The following PDE4D variants were observed in gnomAD, a reference collection of about 807,000 sequenced individuals.
The protein encoded by PDE4D is 3',5'-cyclic-AMP phosphodiesterase 4D.
In PDE4D, 24 loss-of-function variants were observed where a neutral mutation model predicts 87.4. The observed-to-expected ratio is 0.27, with a 90% CI of 0.20 to 0.39. The LOEUF (loss-of-function observed/expected upper bound fraction) is 0.39, where lower values mean the gene tolerates loss of function less well. PDE4D is among the 10% of genes least tolerant of loss of function. The pLI is 1.00. For missense variants in PDE4D, 714 were observed against 1,041.0 expected (o/e 0.69, Z 4.32); for synonymous variants, 384 against 383.2 (o/e 1.00, Z -0.02).
chr5:60,214,255 G>C (rs1481015777), intron 1 of PDE4D, among the ~76,000 whole-genome samples: 1 of 152,098 alleles, frequency 6.6e-6, no homozygotes, highest in Admixed American at 6.5e-5. Flanking sequence ...AAACGTCAAC[G>C]GTGTCCTGAA....
intron 1 of PDE4D, among the ~76,000 whole-genome samples, chr5:59,475,571 G>A (rs2153653914): frequency 6.6e-6 from 1 of 152,174 alleles, no homozygotes; most frequent in Admixed American, 6.6e-5. Context: ...ATTAATCAGA[G>A]TTAACTTTAA....
intron 1 of PDE4D, among the ~76,000 whole-genome samples, chr5:59,602,851 T>A (rs1827703422): frequency 6.6e-6 from 1 of 151,934 alleles, no homozygotes; most frequent in South Asian, 2.1e-4. Flanking sequence ...TATAGACCAA[T>A]GAAACATAAT....
intron 1 of PDE4D, among the ~76,000 whole-genome samples, chr5:60,265,676 CTT>C (rs1750129035): frequency 6.6e-6 from 1 of 152,088 alleles, no homozygotes; most frequent in East Asian, 1.9e-4. Context: ...AGAAAAAACC[CTT>C]TTTCTGTTCC....
At chr5:60,257,845 T>A (rs1231909377) in intron 1 of PDE4D, among the ~76,000 whole-genome samples, 1 of 151,994 alleles carries the variant, frequency 6.6e-6, no homozygotes, top group Non-Finnish European at 1.5e-5. Flanking sequence ...AGGTTGATTC[T>A]CATTATTCTT....
intron 1 of PDE4D, among the ~76,000 whole-genome samples, chr5:60,457,540 A>G (rs1746569101): frequency 6.6e-6 from 1 of 152,140 alleles, no homozygotes; most frequent in Admixed American, 6.5e-5. Flanking sequence ...ATAATATATC[A>G]GGGCCCTCAA....
chr5:60,461,574 A>T (rs997989585), intron 1 of PDE4D, among the ~76,000 whole-genome samples: 1 of 152,262 alleles, frequency 6.6e-6, no homozygotes, highest in African/African-American at 2.4e-5. Context: ...TAATCACATC[A>T]GAGGAAAGCC....
At chr5:60,399,740 C>A (rs1214189703) in intron 1 of PDE4D, among the ~76,000 whole-genome samples, 3 of 152,286 alleles carry the variant, frequency 2.0e-5, no homozygotes, top group Non-Finnish European at 4.4e-5. Flanking sequence ...CGGCCCCATG[C>A]CCAGTGTTCA....
intron 1 of PDE4D, among the ~76,000 whole-genome samples, chr5:59,515,867 A>T (rs1001533973): frequency 5.9e-5 from 9 of 152,214 alleles, no homozygotes; most frequent in African/African-American, 2.2e-4. Flanking sequence ...AGGTAACACT[A>T]CCAGTCAGTG....
chr5:60,398,125 A>T (rs983508700), intron 1 of PDE4D, among the ~76,000 whole-genome samples: 2 of 152,046 alleles, frequency 1.3e-5, no homozygotes, highest in Non-Finnish European at 2.9e-5. Flanking sequence ...TGAATGCAAT[A>T]AAAAAAATTG....
At chr5:59,762,876 TATATATATATATATA>T (rs1254186157) in intron 1 of PDE4D, among the ~76,000 whole-genome samples, 1 of 132,058 alleles carries the variant, frequency 7.6e-6, no homozygotes, top group Admixed American at 7.6e-5. Flanking sequence ...TATATATATA[TATATATATATATATA>T]TAGCTTGCTC....
intron 5 of PDE4D, among the ~76,000 whole-genome samples, chr5:59,043,760 G>A (rs1200090536): frequency 2.0e-5 from 3 of 148,446 alleles, no homozygotes; most frequent in African/African-American, 7.5e-5. Flanking sequence ...CTATGTCCAT[G>A]TGTTCGCATT....
intron 5 of PDE4D, among the ~76,000 whole-genome samples, chr5:59,155,246 G>C (rs1779996702): frequency 1.3e-5 from 2 of 152,154 alleles, no homozygotes; most frequent in African/African-American, 4.8e-5. Context: ...ACATTTAAGA[G>C]GTAAAGTGGG....
chr5:60,092,332 T>TA (rs1775224598), intron 2 of PDE4D, among the ~76,000 whole-genome samples: 3 of 152,038 alleles, frequency 2.0e-5, no homozygotes, highest in African/African-American at 7.2e-5. Flanking sequence ...GGTTAATGTG[T>TA]AAAAAAATAC....
chr5:59,631,011 GA>G (rs1831501775), intron 1 of PDE4D, among the ~76,000 whole-genome samples: 2 of 152,106 alleles, frequency 1.3e-5, no homozygotes, highest in African/African-American at 4.8e-5. Flanking sequence ...GACATCTTGT[GA>G]AATGCAAAGT....
At chr5:60,306,837 G>A (rs1754540814) in intron 1 of PDE4D, among the ~76,000 whole-genome samples, 1 of 151,858 alleles carries the variant, frequency 6.6e-6, no homozygotes, top group Non-Finnish European at 1.5e-5. Flanking sequence ...AGAAACAAAA[G>A]AAAAAGACTT....
chr5:59,506,710 CAG>C (rs1256310832), intron 1 of PDE4D, among the ~76,000 whole-genome samples: 2 of 152,068 alleles, frequency 1.3e-5, no homozygotes, highest in Non-Finnish European at 2.9e-5. Context: ...CACTAGACAT[CAG>C]TGAAGTGAAA....
chr5:60,092,630 G>C (rs1391456919), intron 2 of PDE4D, among the ~76,000 whole-genome samples: 1 of 149,688 alleles, frequency 6.7e-6, no homozygotes, highest in Non-Finnish European at 1.5e-5. Context: ...ACTTCTGCAC[G>C]CTAAAAAAAA....
At chr5:59,869,371 A>G (rs1024274901) in intron 1 of PDE4D, among the ~76,000 whole-genome samples, 1 of 152,210 alleles carries the variant, frequency 6.6e-6, no homozygotes, top group African/African-American at 2.4e-5. Context: ...ACTCCAAGGC[A>G]GGAGTGAGTA....
intron 1 of PDE4D, among the ~76,000 whole-genome samples, chr5:59,509,884 T>C (rs1809976014): frequency 6.8e-6 from 1 of 147,090 alleles, no homozygotes; most frequent in Non-Finnish European, 1.5e-5. Flanking sequence ...TATAGGTTTA[T>C]ATTATAAACT....
Sources: allele counts gnomAD v4.1 joint callset (sites outside exome capture counted in the v4.1 genomes callset), GRCh38; gene constraint gnomAD v4.1.1; transcripts MANE v1.5; gene names NCBI Gene and HGNC (gene_info 2026-07-23, HGNC 2026-07-21).